Variants in NRG3 observed in about 807,000 individuals in gnomAD.
NRG3 encodes neuregulin 3, also known as pro-neuregulin-3, membrane-bound isoform.
Under a neutral mutation model 66.9 loss-of-function variants are expected in NRG3, and 31 were observed. The observed-to-expected ratio is 0.46, with a 90% CI of 0.35 to 0.63. NRG3 has a LOEUF of 0.63. Among genes scored for constraint, NRG3 ranks in the 20% least tolerant of loss-of-function variants. NRG3 has a pLI of 0.00. For missense variants in NRG3, 910 were observed against 878.9 expected (o/e 1.04, Z -0.45); for synonymous variants, 393 against 359.4 (o/e 1.09, Z -1.06).
chr10:82,966,148 T>C (rs922492341), intron 6 of NRG3, among the ~76,000 whole-genome samples: 10 of 152,200 alleles, frequency 6.6e-5, no homozygotes, highest in Non-Finnish European at 8.8e-5. Flanking sequence ...GAATGCATTA[T>C]TATCCATAAA....
chr10:82,763,060 G>T (rs2059389747), intron 3 of NRG3, among the ~76,000 whole-genome samples: 1 of 152,096 alleles, frequency 6.6e-6, no homozygotes, highest in Non-Finnish European at 1.5e-5. Context: ...ATGGTTTTTT[G>T]TGACACCTGA....
At chr10:82,454,431 C>T (rs1440779602) in intron 2 of NRG3, among the ~76,000 whole-genome samples, 1 of 151,910 alleles carries the variant, frequency 6.6e-6, no homozygotes, top group Non-Finnish European at 1.5e-5. Flanking sequence ...ATATATGCTA[C>T]ACTCGTGTTC....
chr10:82,242,187 A>G (rs1462503236), intron 1 of NRG3, among the ~76,000 whole-genome samples: 1 of 152,208 alleles, frequency 6.6e-6, no homozygotes, highest in Non-Finnish European at 1.5e-5. Context: ...TTTTAAGAAG[A>G]CACTCAGAAA....
At chr10:82,891,872 C>T (rs1843177461) in intron 4 of NRG3, among the ~76,000 whole-genome samples, 2 of 152,010 alleles carry the variant, frequency 1.3e-5, no homozygotes, top group African/African-American at 4.8e-5. Flanking sequence ...AAGCTTTTAA[C>T]AATTTACCTT....
chr10:82,178,189 G>A (rs1039492712), intron 1 of NRG3, among the ~76,000 whole-genome samples: 1 of 152,056 alleles, frequency 6.6e-6, no homozygotes, highest in Non-Finnish European at 1.5e-5. Flanking sequence ...ACATAAAAAT[G>A]AGAAAAAGGG....
intron 1 of NRG3, among the ~76,000 whole-genome samples, chr10:82,340,463 G>A (rs1423664215): frequency 6.6e-6 from 1 of 152,154 alleles, no homozygotes; most frequent in Non-Finnish European, 1.5e-5. Flanking sequence ...CCCAGGTGGA[G>A]AAGAAAGTGC....
intron 4 of NRG3, among the ~76,000 whole-genome samples, chr10:82,913,112 C>G (rs945060335): frequency 1.2e-4 from 18 of 152,140 alleles, no homozygotes; most frequent in African/African-American, 4.3e-4. Flanking sequence ...GTAGTCCCAG[C>G]TACTCTGGAG....
chr10:82,724,991 C>A (rs1487701065), intron 2 of NRG3, among the ~76,000 whole-genome samples: 1 of 152,192 alleles, frequency 6.6e-6, no homozygotes, highest in Non-Finnish European at 1.5e-5. Context: ...CTCTCTCCTT[C>A]TGAGAACAGA....
chr10:82,650,835 G>T (rs1206538058), intron 2 of NRG3, among the ~76,000 whole-genome samples: 4 of 152,108 alleles, frequency 2.6e-5, no homozygotes, highest in Non-Finnish European at 4.4e-5. Context: ...TATAAAAGAA[G>T]CAGATGCCAG....
At chr10:82,734,746 G>A in intron 2 of NRG3, among the ~76,000 whole-genome samples, 1 of 152,136 alleles carries the variant, frequency 6.6e-6, no homozygotes, top group Admixed American at 6.5e-5. Context: ...GCCAAGTGCA[G>A]TGGCTCACAC....
chr10:82,757,591 A>G (rs2059129966), intron 3 of NRG3, among the ~76,000 whole-genome samples: 1 of 152,150 alleles, frequency 6.6e-6, no homozygotes, highest in African/African-American at 2.4e-5. Context: ...ACAAAATGTC[A>G]GAATGAATGA....
intron 2 of NRG3, among the ~76,000 whole-genome samples, chr10:82,481,778 A>T (rs1294096737): frequency 6.6e-6 from 1 of 152,164 alleles, no homozygotes; most frequent in Non-Finnish European, 1.5e-5. Context: ...TGAGGTCAGG[A>T]GTTCAAAACC....
At chr10:82,406,459 A>G (rs1344109989) in intron 2 of NRG3, among the ~76,000 whole-genome samples, 1 of 152,172 alleles carries the variant, frequency 6.6e-6, no homozygotes, top group African/African-American at 2.4e-5. Context: ...TTCCACTGAA[A>G]GTTCATGGAA....
chr10:82,382,619 C>G (rs543366907), intron 2 of NRG3, among the ~76,000 whole-genome samples: 44 of 151,844 alleles, frequency 2.9e-4, no homozygotes, highest in Non-Finnish European at 5.2e-4. Flanking sequence ...TTTAAAAATC[C>G]AGTTCTCACA....
At chr10:82,440,897 G>A (rs1288518319) in intron 2 of NRG3, among the ~76,000 whole-genome samples, 1 of 152,130 alleles carries the variant, frequency 6.6e-6, no homozygotes, top group African/African-American at 2.4e-5. Flanking sequence ...CAGTTTTATT[G>A]TTTACTGTGG....
chr10:82,975,786 G>A (rs1852194468), intron 7 of NRG3, among the ~76,000 whole-genome samples: 1 of 152,074 alleles, frequency 6.6e-6, no homozygotes, highest in South Asian at 2.1e-4. Context: ...TGATCAATAG[G>A]CATAAAACTC....
In NRG3 at chr10:82,303,243, G is replaced by A. The variant is rs539953265; in HGVS notation, c.824-55496G>A. On this transcript the variant is annotated intron_variant, in intron 1 of 8. Coordinates refer to ENST00000372141, the MANE Select transcript of NRG3 (RefSeq NM_001010848.4). ...AGTTCTATAGTCCAGAATACTTTAAGATTATCCTGTCATTACACCTCTTAA... is the reference window on the plus strand; with the variant it reads ...AGTTCTATAGTCCAGAATACTTTAAAATTATCCTGTCATTACACCTCTTAA... Among the ~76,000 whole-genome samples, 69 of 152,060 alleles carry A rather than the reference G, an allele frequency of 4.5e-4. 1 individual carries two copies. The highest frequency in any genetic ancestry group is 6.8e-3 in the Middle Eastern group (2 of 292).
At chr10:82,126,516 C>T (rs1366930295) in intron 1 of NRG3, among the ~76,000 whole-genome samples, 3 of 152,018 alleles carry the variant, frequency 2.0e-5, no homozygotes, top group Admixed American at 2.0e-4. Context: ...TGACAAGGCA[C>T]AGATAGTATG....
intron 1 of NRG3, among the ~76,000 whole-genome samples, chr10:82,084,502 A>ACTTTTTTT (rs11458166): frequency 1.4e-5 from 2 of 145,340 alleles, no homozygotes; most frequent in African/African-American, 5.1e-5. Flanking sequence ...CATATATGAG[A>ACTTTTTTT]TTTTTTTTTT....
Sources: allele counts gnomAD v4.1 joint callset (sites outside exome capture counted in the v4.1 genomes callset), GRCh38; gene constraint gnomAD v4.1.1; transcripts MANE v1.5; gene names NCBI Gene and HGNC (gene_info 2026-07-23, HGNC 2026-07-21).